FAM178B: variants seen among roughly 807,000 people sequenced by gnomAD.
FAM178B encodes the protein family with sequence similarity 178 member B.
In FAM178B, 82 loss-of-function variants were observed where a neutral mutation model predicts 91.7. The ratio of observed to expected loss-of-function variants is 0.89; its 90% CI spans 0.75 to 1.07. The LOEUF (loss-of-function observed/expected upper bound fraction) is 1.07, where lower values mean the gene tolerates loss of function less well. FAM178B is among the 50% of genes least tolerant of loss of function. FAM178B has a pLI of 0.00. For synonymous variants in FAM178B, 368 were observed against 359.4 expected, an observed-to-expected ratio of 1.02 and a Z score of -0.27; for missense variants, 769 against 846.7, an observed-to-expected ratio of 0.91 and a Z score of 1.14.
chr2:96,962,957 T>A (rs2082102157), intron 5 of FAM178B, among the ~76,000 whole-genome samples: 1 of 152,178 alleles, frequency 6.6e-6, no homozygotes, highest in African/African-American at 2.4e-5. Flanking sequence ...TGAATGACTT[T>A]TGTAAAGCAG....
intron 12 of FAM178B, among the ~76,000 whole-genome samples, chr2:96,917,247 GCTTTT>G (rs747345753): frequency 6.6e-6 from 1 of 152,208 alleles, no homozygotes; most frequent in Admixed American, 6.5e-5. Flanking sequence ...TTATTTGAAT[GCTTTT>G]ATCTATTTAG....
intron 7 of FAM178B, among the ~76,000 whole-genome samples, chr2:96,948,170 T>G (rs2081862213): frequency 6.6e-6 from 1 of 152,186 alleles, no homozygotes; most frequent in South Asian, 2.1e-4. Context: ...ACTTGAAACC[T>G]CCTACTCCGT....
intron 1 of FAM178B, chr2:96,977,819 G>A (rs1197743916): frequency 4.4e-6 from 2 of 456,318 alleles, no homozygotes; most frequent in African/African-American, 4.0e-5. Context: ...CATAATACCG[G>A]CCTTTGTTCT....
At chr2:96,960,223 GA>G in intron 6 of FAM178B, 64 bp downstream of exon 6, 1 of 1,517,716 alleles carries the variant, frequency 6.6e-7, no homozygotes, top group South Asian at 1.2e-5. Context: ...CTTATCCCTG[GA>G]CTCCAGGAGG....
rs575687959 is a variant in FAM178B at position 96,907,036 on chromosome 2, C to G, written c.1563-4329G>C. ...AGGGGTGGTTCCAGAAGGGAAGAGG[C>G]GGGCAGGGTGGGTCAGGATGGGGCT... is the stretch of plus-strand genomic sequence containing the variant. On this transcript the variant is annotated intron_variant, in intron 12 of 16. Transcript: ENST00000490605. Among the ~76,000 whole-genome samples, 506 of 152,190 alleles carry G rather than the reference C, an allele frequency of 3.3e-3. 2 individuals carry two copies. Among genetic ancestry groups the G allele is most frequent in the Middle Eastern group, 0.031 (9 of 294 alleles).
Position 96,947,925 on chromosome 2 carries a change from AAC to A in FAM178B, c.994-25_994-24del. 20 of 1,361,610 alleles carry A rather than the reference AAC, an allele frequency of 1.5e-5. No homozygotes were observed. The African/African-American group carries it at 2.2e-4, about 15-fold the overall frequency. 84.3% of individuals were successfully genotyped at this position (1,361,610 alleles called of 1,614,324 possible). Reference sequence around the variant, plus strand: ...CAGCTAGGTGGAAAAAAAAAACAAAAACAAAAACCTGGTGAGCTGGGTCATTC... The same window carrying A: ...CAGCTAGGTGGAAAAAAAAAACAAAAAAAAACCTGGTGAGCTGGGTCATTC... On this transcript the variant is annotated intron_variant, in intron 7 of 16. Coordinates refer to ENST00000490605, the MANE Select transcript of FAM178B (RefSeq NM_001122646.3).
At position 96,947,913 on chromosome 2, in the gene FAM178B, A is replaced by G. The variant is rs769239494; in HGVS notation, c.994-11T>C. 1 of 1,484,056 alleles carries G rather than the reference A, an allele frequency of 6.7e-7. No homozygotes were observed. The highest frequency in any genetic ancestry group is 9.1e-7 in the Non-Finnish European group (1 of 1,094,062). 91.9% of individuals were successfully genotyped at this position (1,484,056 alleles called of 1,614,324 possible). On this transcript the variant is annotated splice_polypyrimidine_tract_variant and intron_variant, in intron 7 of 16. Coordinates refer to ENST00000490605, the MANE Select transcript of FAM178B (RefSeq NM_001122646.3). ...AGGCCATGTCAGCAGCTAGGTGGAA[A>G]AAAAAAACAAAAACAAAAACCTGGT...
Position 96,960,428 on chromosome 2 carries a change from T to C in FAM178B, c.747A>G (p.Glu249=). 2 of 1,544,278 alleles carry C rather than the reference T, an allele frequency of 1.3e-6. No homozygotes were observed. Among genetic ancestry groups the C allele is most frequent in the Non-Finnish European group, 1.8e-6 (2 of 1,141,824 alleles). The change falls in exon 6 of 17, where the codon GAA becomes GAG. Residue 249 remains glutamate, a synonymous_variant. Transcript: ENST00000490605. Reference sequence around the variant, plus strand: ...TGGTCTGCAGGGACACTGAGTACTTTTCCACCAGCATCCTGGCAAGGCAAG... The same window carrying C: ...TGGTCTGCAGGGACACTGAGTACTTCTCCACCAGCATCCTGGCAAGGCAAG... ...PLTPEHRMLV[E]KYSVSLQTIP... is the part of the protein sequence containing the mutation.
At chr2:96,972,754 A>C in intron 1 of FAM178B, 148 bp from the exon 2 acceptor site, 2 of 639,924 alleles carry the variant, frequency 3.1e-6, no homozygotes, top group Non-Finnish European at 5.5e-6. Flanking sequence ...ACCAAGGTCA[A>C]GTTGCTGAGA....
At position 96,972,848 on chromosome 2, in the gene FAM178B, C is replaced by T. The variant is rs182227938; in HGVS notation, c.74-242G>A. Among the ~76,000 whole-genome samples the T allele has an allele frequency of 1.7e-3, 261 of 152,122 alleles. 1 individual carries two copies. The highest frequency in any genetic ancestry group is 5.5e-3 in the African/African-American group (228 of 41,544). ...AATTTTCTTTTTTTAGACGGAGTCT[C>T]ACTCTCTCGCCCAGGCTGGAGTGCA... is the stretch of plus-strand genomic sequence containing the variant. On this transcript the variant is annotated intron_variant, in intron 1 of 16. Coordinates refer to ENST00000490605, the MANE Select transcript of FAM178B (RefSeq NM_001122646.3).
intron 8 of FAM178B, among the ~76,000 whole-genome samples, chr2:96,942,562 T>A (rs2081752213): frequency 6.6e-6 from 1 of 152,052 alleles, no homozygotes; most frequent in Non-Finnish European, 1.5e-5. Flanking sequence ...CCGGCTAATT[T>A]TTTTTTGTAT....
At chr2:96,916,086 A>G (rs1277464841) in intron 12 of FAM178B, among the ~76,000 whole-genome samples, 1 of 152,228 alleles carries the variant, frequency 6.6e-6, no homozygotes, top group Non-Finnish European at 1.5e-5. Context: ...GTTCTTCACT[A>G]TCATGACATT....
At chr2:96,948,445 T>C (rs528596989) in intron 7 of FAM178B, among the ~76,000 whole-genome samples, 1 of 152,340 alleles carries the variant, frequency 6.6e-6, no homozygotes, top group East Asian at 1.9e-4. Context: ...AGGGTGGTCA[T>C]TTCTGGGATC....
At chr2:96,902,030 C>G (rs1343779941) in intron 13 of FAM178B, among the ~76,000 whole-genome samples, 1 of 151,956 alleles carries the variant, frequency 6.6e-6, no homozygotes, top group African/African-American at 2.4e-5. Flanking sequence ...AACTCCTGAT[C>G]TCAGGCGATC....
At chr2:96,983,904 T>A (rs1156768970) in intron 1 of FAM178B, among the ~76,000 whole-genome samples, 2 of 152,240 alleles carry the variant, frequency 1.3e-5, no homozygotes, top group African/African-American at 4.8e-5. Flanking sequence ...AACTACTACT[T>A]ATTTATCCAT....
intron 7 of FAM178B, 96 bp from the exon 8 acceptor site, chr2:96,947,998 A>C: frequency 1.5e-6 from 1 of 666,366 alleles, no homozygotes; most frequent in Non-Finnish European, 2.7e-6. Context: ...CGTTAAATAA[A>C]TCCCATTTAA....
chr2:96,974,640 G>C (rs1174642365), intron 1 of FAM178B, among the ~76,000 whole-genome samples: 1 of 152,052 alleles, frequency 6.6e-6, no homozygotes, highest in African/African-American at 2.4e-5. Context: ...GACACAAATA[G>C]GTTGAAAATG....
chr2:96,903,750 C>A (rs1256774538), intron 12 of FAM178B, among the ~76,000 whole-genome samples: 1 of 152,210 alleles, frequency 6.6e-6, no homozygotes, highest in African/African-American at 2.4e-5. Context: ...ACCTCTCACC[C>A]CAGCCTTGCA....
intron 5 of FAM178B, among the ~76,000 whole-genome samples, chr2:96,965,559 C>A (rs986854476): frequency 2.0e-5 from 3 of 151,992 alleles, no homozygotes; most frequent in Non-Finnish European, 4.4e-5. Context: ...ACCTCCCCGG[C>A]TCAAGTGATC....
Sources: gnomAD v4.1 joint callset for allele counts (sites outside exome capture counted in the v4.1 genomes callset) on GRCh38, gnomAD v4.1.1 for gene constraint, MANE v1.5 for transcripts, NCBI Gene and HGNC (gene_info 2026-07-23, HGNC 2026-07-21) for gene names.